The following DMD variants were observed in gnomAD, a reference collection of about 807,000 sequenced individuals.
The protein encoded by DMD is mutant dystrophin.
A neutral mutation model predicts 330.1 loss-of-function variants in DMD; 63 were observed. The observed-to-expected ratio is 0.19, with a 90% CI of 0.16 to 0.24. DMD has a LOEUF of 0.24. DMD is among the 10% of genes least tolerant of loss of function. The pLI is 1.00. For synonymous variants in DMD, 1,223 were observed against 959.8 expected (o/e 1.27, Z -5.07); for missense variants, 3,344 against 2,684.1 (o/e 1.25, Z -5.43).
At chrX:32,007,870 A>G (rs1277253627) in intron 44 of DMD, among the ~76,000 whole-genome samples, 1 of 111,924 alleles carries the variant, frequency 8.9e-6, no homozygotes, top group African/African-American at 3.2e-5. Context: ...AAAGTCTTTA[A>G]TCTAAATGGA....
At chrX:31,670,887 G>A (rs1815956394) in intron 53 of DMD, among the ~76,000 whole-genome samples, 1 of 110,216 alleles carries the variant, frequency 9.1e-6, no homozygotes, top group Non-Finnish European at 1.9e-5. Context: ...TTGGGAGCGG[G>A]GGACACTATT....
At chrX:33,262,729 T>C (rs1311820590) in intron 1 of DMD, among the ~76,000 whole-genome samples, 2 of 110,914 alleles carry the variant, frequency 1.8e-5, no homozygotes, top group East Asian at 5.6e-4. Context: ...GGACAGTTAT[T>C]TACTCTAAAA....
chrX:31,341,891 G>GCGCGCGCGCACACACACACA (rs374298104), intron 61 of DMD, among the ~76,000 whole-genome samples: 59 of 98,889 alleles, frequency 6.0e-4, no homozygotes, highest in Non-Finnish European at 8.6e-4. Flanking sequence ...GTGCGCGCGC[G>GCGCGCGCGCACACACACACA]CACACACACA....
chrX:31,946,976 G>A (rs894105276), intron 45 of DMD, among the ~76,000 whole-genome samples: 8 of 111,136 alleles, frequency 7.2e-5, no homozygotes, highest in South Asian at 3.8e-4. Flanking sequence ...GGCCATTAAC[G>A]AGAAAATATT....
chrX:32,979,735 T>C (rs1472930223), intron 2 of DMD, among the ~76,000 whole-genome samples: 2 of 111,610 alleles, frequency 1.8e-5, no homozygotes, highest in Non-Finnish European at 3.8e-5. Context: ...GATTACAGGA[T>C]ACCTGGAAGA....
intron 18 of DMD, among the ~76,000 whole-genome samples, chrX:32,512,048 T>C (rs772843021): frequency 9.0e-6 from 1 of 111,725 alleles, no homozygotes; most frequent in Non-Finnish European, 1.9e-5. Context: ...TTATAAATAC[T>C]AAAATGGGTA....
chrX:31,141,494 G>C (rs2036041686), intron 76 of DMD, among the ~76,000 whole-genome samples: 1 of 111,883 alleles, frequency 8.9e-6, no homozygotes, highest in Non-Finnish European at 1.9e-5. Context: ...AATTAGGAAA[G>C]TATTCATATT....
rs763310852 is a variant in DMD at position 32,104,227 on chromosome X, G to A, written c.6438+112689C>T. 1.1e-3 allele frequency among the ~76,000 whole-genome samples: 123 copies of A among 111,764 alleles called. 1 individual carries two copies. The highest frequency in any genetic ancestry group is 1.2e-3 in the Non-Finnish European group (62 of 53,138). On this transcript the variant is annotated intron_variant, in intron 44 of 78. Transcript: ENST00000357033. ...GGAAAATATATTTTTGATGTATTTC[G>A]GGAGGTAATACATAATCCTTCTGAT...
intron 44 of DMD, among the ~76,000 whole-genome samples, chrX:32,074,972 A>G (rs2096332101): frequency 9.0e-6 from 1 of 111,331 alleles, no homozygotes; most frequent in South Asian, 3.8e-4. Flanking sequence ...TTATATTTAC[A>G]TTCTCATGCT....
intron 60 of DMD, among the ~76,000 whole-genome samples, chrX:31,437,600 C>T (rs747073008): frequency 1.8e-5 from 2 of 111,042 alleles, no homozygotes; most frequent in Non-Finnish European, 3.8e-5. Flanking sequence ...TGCAGAAACA[C>T]TGCCCATTGT....
intron 1 of DMD, among the ~76,000 whole-genome samples, chrX:33,272,209 C>T (rs1002159095): frequency 4.5e-5 from 5 of 112,095 alleles, no homozygotes; most frequent in Non-Finnish European, 7.5e-5. Flanking sequence ...AGATCTTTTC[C>T]CCCATTTTTC....
At chrX:32,147,437 T>C (rs1378086519) in intron 44 of DMD, among the ~76,000 whole-genome samples, 1 of 112,043 alleles carries the variant, frequency 8.9e-6, no homozygotes, top group African/African-American at 3.2e-5. Context: ...ACATATGACT[T>C]CTGGTGAACG....
intron 17 of DMD, among the ~76,000 whole-genome samples, chrX:32,541,860 A>G (rs748261888): frequency 9.0e-6 from 1 of 111,671 alleles, no homozygotes; most frequent in African/African-American, 3.3e-5. Flanking sequence ...CTGATTCCAA[A>G]AGCAATGATT....
In DMD at chrX:32,614,480, G is replaced by T. The variant is rs377416447; in HGVS notation, c.1332-27C>A. ...TGAAAATTTGAAAGAAGCCTATTAT[G>T]ACCTCTTTGAAAGCAACTTATTACT... On this transcript the variant is annotated intron_variant, in intron 11 of 78. Coordinates refer to ENST00000357033, the MANE Select transcript of DMD (RefSeq NM_004006.3). 6.0e-6 allele frequency: 7 copies of T among 1,166,071 alleles called. No homozygotes were observed. The East Asian group carries it at 1.8e-4, about 30-fold the overall frequency.
At chrX:32,209,920 A>G in intron 44 of DMD, among the ~76,000 whole-genome samples, 1 of 111,844 alleles carries the variant, frequency 8.9e-6, no homozygotes, top group South Asian at 3.7e-4. Flanking sequence ...TGAAAGATAC[A>G]CTTGATGGGC....
intron 4 of DMD, among the ~76,000 whole-genome samples, chrX:32,840,658 T>C (rs1367957981): frequency 8.9e-6 from 1 of 112,197 alleles, no homozygotes; most frequent in Admixed American, 9.5e-5. Flanking sequence ...TTTGCCCGTT[T>C]TTGAAATTTA....
At chrX:31,644,858 T>A (rs964108517) in intron 54 of DMD, among the ~76,000 whole-genome samples, 27 of 111,702 alleles carry the variant, frequency 2.4e-4, no homozygotes, top group African/African-American at 8.8e-4. Context: ...TTACTCTACA[T>A]GAGAAGTGTA....
In DMD at chrX:32,364,562, T is replaced by C; in HGVS notation, c.5154+20A>G. The C allele has an allele frequency of 8.3e-7, 1 of 1,209,155 alleles. No homozygotes were observed. ...ACTGGTGTACAATTTGGACATTACT[T>C]TTCATATTTTATTTGCTACCTTAAG... On this transcript the variant is annotated intron_variant, in intron 36 of 78. Transcript: ENST00000357033.
chrX:31,452,823 T>G (rs947317952), intron 59 of DMD, among the ~76,000 whole-genome samples: 2 of 111,915 alleles, frequency 1.8e-5, no homozygotes, highest in Non-Finnish European at 3.8e-5. Flanking sequence ...GTGCTCACAT[T>G]TCCTTCATGT....
Sources: allele counts gnomAD v4.1 joint callset (sites outside exome capture counted in the v4.1 genomes callset), GRCh38; gene constraint gnomAD v4.1.1; transcripts MANE v1.5; gene names NCBI Gene and HGNC (gene_info 2026-07-23, HGNC 2026-07-21).